SMCHD1: variants seen among roughly 807,000 people sequenced by gnomAD.
SMCHD1 encodes the protein structural maintenance of chromosomes flexible hinge domain-containing protein 1.
SMCHD1 carries 78 observed loss-of-function variants against 254.7 expected under a neutral mutation model. The ratio of observed to expected loss-of-function variants is 0.31; its 90% CI spans 0.26 to 0.37. The LOEUF (loss-of-function observed/expected upper bound fraction) is 0.37. Ranked by LOEUF, SMCHD1 falls within the 10% of genes least tolerant of loss-of-function variation. The probability of loss-of-function intolerance (pLI) is 1.00; values close to 1 mark genes in which losing one functional copy is unlikely to be tolerated. For synonymous variants in SMCHD1, 766 were observed against 794.9 expected (o/e 0.96, Z 0.61); for missense variants, 1,840 against 2,408.1 (o/e 0.76, Z 4.94).
chr18:2,797,792 C>G (rs2076289145), intron 47 of SMCHD1, among the ~76,000 whole-genome samples: 1 of 152,160 alleles, frequency 6.6e-6, no homozygotes, highest in African/African-American at 2.4e-5. Context: ...TGGCGCACGC[C>G]TGTAATCCCA....
intron 30 of SMCHD1, among the ~76,000 whole-genome samples, chr18:2,748,266 T>C (rs1372826937): frequency 6.6e-6 from 1 of 151,208 alleles, no homozygotes; most frequent in East Asian, 1.9e-4. Flanking sequence ...AGAAGCTGCA[T>C]GGGATCTAGT....
chr18:2,686,687 T>C (rs2074059474), intron 5 of SMCHD1, among the ~76,000 whole-genome samples: 1 of 152,030 alleles, frequency 6.6e-6, no homozygotes, highest in African/African-American at 2.4e-5. Flanking sequence ...GCATTTTCTG[T>C]GTGTTATTTT....
intron 23 of SMCHD1, 84 bp downstream of exon 23, chr18:2,728,680 C>A: frequency 2.2e-6 from 3 of 1,394,212 alleles, no homozygotes; most frequent in South Asian, 1.4e-5. Context: ...GTAAGTCTTA[C>A]ACAGGATTTA....
intron 45 of SMCHD1, among the ~76,000 whole-genome samples, chr18:2,794,284 C>A (rs1489609112): frequency 6.6e-6 from 1 of 150,628 alleles, no homozygotes; most frequent in Non-Finnish European, 1.5e-5. Flanking sequence ...AGTCCGCTCA[C>A]CTTGGCCTCC....
At chr18:2,719,339 G>A (rs1160391245) in intron 19 of SMCHD1, among the ~76,000 whole-genome samples, 3 of 151,062 alleles carry the variant, frequency 2.0e-5, no homozygotes, top group African/African-American at 7.3e-5. Flanking sequence ...TGGCCAGGCT[G>A]GAATACAGTG....
intron 23 of SMCHD1, 99 bp from the exon 24 acceptor site, chr18:2,729,176 A>C (rs2075086660): frequency 4.0e-6 from 4 of 991,574 alleles, no homozygotes; most frequent in Admixed American, 3.8e-5. Flanking sequence ...TCATTGCCAG[A>C]AATAGTAGCT....
chr18:2,671,600 T>TTC (rs1383528008), intron 3 of SMCHD1, among the ~76,000 whole-genome samples: 6 of 145,992 alleles, frequency 4.1e-5, no homozygotes, highest in Non-Finnish European at 9.1e-5. Context: ...CTTTTCTTTT[T>TTC]TTTTTTTTTT....
intron 45 of SMCHD1, among the ~76,000 whole-genome samples, chr18:2,793,329 T>C (rs571119459): frequency 2.4e-4 from 36 of 152,280 alleles, no homozygotes; most frequent in African/African-American, 7.7e-4. Flanking sequence ...ATATTGTGAC[T>C]CATTTACATA....
At chr18:2,790,223 TAATC>T (rs539271849) in intron 45 of SMCHD1, among the ~76,000 whole-genome samples, 521 of 152,164 alleles carry the variant, frequency 3.4e-3, no homozygotes, top group South Asian at 0.019. Flanking sequence ...CATCTTATCA[TAATC>T]AATAAGTAAT....
At position 2,655,802 on chromosome 18, in the gene SMCHD1, C is replaced by A. The variant is rs1229200121; in HGVS notation, c.-274C>A. 1 of 300,048 alleles carries A rather than the reference C, an allele frequency of 3.3e-6. No homozygotes were observed. The highest frequency in any genetic ancestry group is 5.3e-5 in the East Asian group (1 of 18,758). The allele number at this position is 300,048 out of a possible 1,614,324, so 18.6% of individuals were successfully genotyped here. ...GCGGCGATAGGCGCTGGGCCCGGGC[C>A]CGGTGAGGAGCGCGCCGCGCGTCCC... On this transcript the variant is annotated 5_prime_UTR_variant, in exon 1 of 48. Coordinates refer to ENST00000320876, the MANE Select transcript of SMCHD1 (RefSeq NM_015295.3).
intron 39 of SMCHD1, among the ~76,000 whole-genome samples, chr18:2,771,105 G>C (rs1292451639): frequency 3.9e-5 from 6 of 152,108 alleles, no homozygotes; most frequent in Non-Finnish European, 7.3e-5. Context: ...ACTCACTTTT[G>C]TGTATGCCTG....
chr18:2,721,764 A>G (rs1598365848), intron 19 of SMCHD1, among the ~76,000 whole-genome samples: 1 of 152,104 alleles, frequency 6.6e-6, no homozygotes, highest in South Asian at 2.1e-4. Flanking sequence ...TAGATTGTGT[A>G]CCTCTTCTAG....
In SMCHD1 at chr18:2,664,536, C is replaced by T. The variant is rs562269135; in HGVS notation, c.187-1621C>T. ...GGTGTTACTTAATTTGTTTTATCTC[C>T]GTATGTATTCTGTAAACTAAAAGTT... On this transcript the variant is annotated intron_variant, in intron 1 of 47. Coordinates refer to ENST00000320876, the MANE Select transcript of SMCHD1 (RefSeq NM_015295.3). 1.1e-3 allele frequency among the ~76,000 whole-genome samples: 161 copies of T among 152,042 alleles called. 1 individual carries two copies. Among genetic ancestry groups the T allele is most frequent in the African/African-American group, 3.5e-3 (145 of 41,466 alleles).
intron 7 of SMCHD1, among the ~76,000 whole-genome samples, chr18:2,689,556 T>TATTA (rs1446727549): frequency 1.3e-5 from 2 of 151,894 alleles, no homozygotes; most frequent in Admixed American, 6.6e-5. Context: ...CTTTAATATA[T>TATTA]AAGTTAGTTT....
intron 19 of SMCHD1, among the ~76,000 whole-genome samples, chr18:2,719,078 A>G (rs1331955934): frequency 2.0e-5 from 3 of 149,474 alleles, no homozygotes; most frequent in East Asian, 3.9e-4. Context: ...ATGATTTAGC[A>G]TAGGCCTGTT....
intron 37 of SMCHD1, among the ~76,000 whole-genome samples, chr18:2,764,292 A>G (rs1192629320): frequency 6.6e-6 from 1 of 152,156 alleles, no homozygotes; most frequent in Non-Finnish European, 1.5e-5. Context: ...ATATACACTA[A>G]TGCTGCCTGC....
intron 17 of SMCHD1, among the ~76,000 whole-genome samples, chr18:2,708,878 ATATATATATATATATATATATATATATAT>A (rs2074586383): frequency 1.8e-5 from 1 of 56,796 alleles, no homozygotes; most frequent in East Asian, 8.5e-4. Context: ...ATATATATAT[ATATATATATATATATATATATATATATAT>A]AACATATTAA....
intron 17 of SMCHD1, among the ~76,000 whole-genome samples, chr18:2,710,976 G>GT (rs1362332608): frequency 6.6e-6 from 1 of 151,606 alleles, no homozygotes; most frequent in Non-Finnish European, 1.5e-5. Context: ...GTTGTTTTTT[G>GT]TTTTTTGGGG....
At chr18:2,724,608 T>C (rs1410015674) in intron 20 of SMCHD1, among the ~76,000 whole-genome samples, 2 of 152,162 alleles carry the variant, frequency 1.3e-5, no homozygotes, top group African/African-American at 4.8e-5. Flanking sequence ...AGCATTAGAT[T>C]AGGTACTACA....
Sources: allele counts gnomAD v4.1 joint callset (sites outside exome capture counted in the v4.1 genomes callset), GRCh38; gene constraint gnomAD v4.1.1; transcripts MANE v1.5; gene names NCBI Gene and HGNC (gene_info 2026-07-23, HGNC 2026-07-21).